The following GPC5 variants were observed in gnomAD, a reference collection of about 807,000 sequenced individuals.
GPC5 encodes glypican 5, also known as glypican-5.
GPC5 carries 47 observed loss-of-function variants against 53.9 expected under a neutral mutation model. The ratio of observed to expected loss-of-function variants is 0.87; its 90% confidence interval spans 0.69 to 1.11. GPC5 has a LOEUF of 1.11. Ranked by LOEUF, GPC5 falls within the 50% of genes most tolerant of loss-of-function variation. GPC5 has a pLI of 0.00. For missense variants in GPC5, 748 were observed against 713.1 expected (o/e 1.05, Z -0.56); for synonymous variants, 286 against 263.3 (o/e 1.09, Z -0.84).
intron 7 of GPC5, among the ~76,000 whole-genome samples, chr13:92,576,573 G>A (rs1883197248): frequency 6.6e-6 from 1 of 152,062 alleles, no homozygotes; most frequent in Non-Finnish European, 1.5e-5. Context: ...CTGAAAATTA[G>A]ACATTAAAAA....
intron 5 of GPC5, among the ~76,000 whole-genome samples, chr13:91,837,731 G>A (rs945902539): frequency 1.3e-5 from 2 of 152,032 alleles, no homozygotes; most frequent in African/African-American, 4.8e-5. Flanking sequence ...AAATTATTAT[G>A]TCATACTCAT....
intron 2 of GPC5, among the ~76,000 whole-genome samples, chr13:91,496,745 C>T (rs1195462935): frequency 6.6e-6 from 1 of 151,842 alleles, no homozygotes; most frequent in Non-Finnish European, 1.5e-5. Flanking sequence ...ACTATGGCAA[C>T]AATAATTTAT....
intron 5 of GPC5, among the ~76,000 whole-genome samples, chr13:91,863,572 A>C (rs932407438): frequency 1.3e-5 from 2 of 151,976 alleles, no homozygotes; most frequent in African/African-American, 4.8e-5. Context: ...CTCTCTCTAT[A>C]TATATTTTTT....
chr13:91,464,270 A>ACTCT (rs1175522982), intron 2 of GPC5, among the ~76,000 whole-genome samples: 1 of 152,144 alleles, frequency 6.6e-6, no homozygotes, highest in Non-Finnish European at 1.5e-5. Context: ...TCACTGAGGC[A>ACTCT]CTGTTCATGG....
intron 7 of GPC5, among the ~76,000 whole-genome samples, chr13:92,670,555 T>A (rs1474552613): frequency 2.0e-5 from 3 of 152,186 alleles, no homozygotes; most frequent in African/African-American, 7.2e-5. Context: ...CTTTTCCATA[T>A]CTCTATTTAG....
intron 7 of GPC5, among the ~76,000 whole-genome samples, chr13:92,577,072 T>C (rs1274756792): frequency 6.6e-6 from 1 of 152,184 alleles, no homozygotes; most frequent in East Asian, 1.9e-4. Flanking sequence ...TAATTTTATC[T>C]GCAATATTAA....
chr13:92,582,625 C>T (rs370376761), intron 7 of GPC5, among the ~76,000 whole-genome samples: 6 of 152,128 alleles, frequency 3.9e-5, no homozygotes, highest in African/African-American at 1.4e-4. Context: ...TCTTCTAGTA[C>T]ATGAGCATGA....
intron 7 of GPC5, among the ~76,000 whole-genome samples, chr13:92,758,060 T>G (rs1874977071): frequency 6.7e-6 from 1 of 150,290 alleles, no homozygotes. Context: ...CTATTCACAA[T>G]AGCAAAGTCT....
At chr13:91,703,590 A>C (rs969113283) in intron 3 of GPC5, among the ~76,000 whole-genome samples, 3 of 152,162 alleles carry the variant, frequency 2.0e-5, no homozygotes, top group African/African-American at 7.2e-5. Flanking sequence ...TTCATAAGGG[A>C]TAATGATATG....
chr13:92,577,162 T>G (rs1433713902), intron 7 of GPC5, among the ~76,000 whole-genome samples: 1 of 152,204 alleles, frequency 6.6e-6, no homozygotes, highest in Non-Finnish European at 1.5e-5. Flanking sequence ...ATCCACATCC[T>G]ATCTGCCATG....
At position 92,591,895 on chromosome 13, in the gene GPC5, G is replaced by A. The variant is rs565927361; in HGVS notation, c.1562-274387G>A. Among the ~76,000 whole-genome samples the A allele has an allele frequency of 1.5e-4, 23 of 152,210 alleles. No individual in the cohort carries two copies. In the East Asian group the frequency reaches 1.7e-3, roughly 12 times the overall value. ...GCTCAAACTCCAAGAAGCTCTCTTC[G>A]TTAATAAATGTGAGCACCTGCTAAG... On this transcript the variant is annotated intron_variant, in intron 7 of 7. Transcript: ENST00000377067.
chr13:92,332,471 T>C (rs1420426480), intron 7 of GPC5, among the ~76,000 whole-genome samples: 1 of 152,180 alleles, frequency 6.6e-6, no homozygotes, highest in Non-Finnish European at 1.5e-5. Context: ...TAATATAGCC[T>C]ATGACAATTC....
At chr13:91,825,206 G>C (rs1446130458) in intron 5 of GPC5, among the ~76,000 whole-genome samples, 1 of 151,890 alleles carries the variant, frequency 6.6e-6, no homozygotes, top group African/African-American at 2.4e-5. Context: ...TATCAAAAGA[G>C]TATGACATGG....
chr13:91,669,705 G>A (rs771633053), intron 2 of GPC5, among the ~76,000 whole-genome samples: 2 of 152,122 alleles, frequency 1.3e-5, no homozygotes, highest in Non-Finnish European at 2.9e-5. Context: ...TATTCACTAT[G>A]TCTATATTCT....
chr13:92,095,638 G>A (rs1051052738), intron 6 of GPC5, among the ~76,000 whole-genome samples: 2 of 152,112 alleles, frequency 1.3e-5, no homozygotes, highest in African/African-American at 4.8e-5. Context: ...GGGTTCAAGC[G>A]ATTCTACTGC....
chr13:92,101,105 C>T (rs573576630), intron 6 of GPC5, among the ~76,000 whole-genome samples: 25 of 152,150 alleles, frequency 1.6e-4, no homozygotes, highest in Admixed American at 1.6e-3. Flanking sequence ...TCAGTACACA[C>T]CTATTCAGTG....
chr13:92,444,457 G>A (rs554764332), intron 7 of GPC5, among the ~76,000 whole-genome samples: 7 of 152,234 alleles, frequency 4.6e-5, no homozygotes, highest in African/African-American at 1.4e-4. Context: ...TCAGCCTGCT[G>A]GAATGATTGA....
intron 6 of GPC5, among the ~76,000 whole-genome samples, chr13:92,011,030 A>G (rs1032177762): frequency 8.5e-5 from 13 of 152,204 alleles, no homozygotes; most frequent in African/African-American, 2.9e-4. Context: ...ACAGTTTTGC[A>G]TGTGTGTGAA....
intron 2 of GPC5, among the ~76,000 whole-genome samples, chr13:91,450,336 C>T (rs1024722912): frequency 2.6e-5 from 4 of 152,106 alleles, no homozygotes; most frequent in Non-Finnish European, 4.4e-5. Context: ...ATTATATTTT[C>T]TTCCAATGAA....
Sources: allele counts gnomAD v4.1 joint callset (sites outside exome capture counted in the v4.1 genomes callset), GRCh38; gene constraint gnomAD v4.1.1; transcripts MANE v1.5; gene names NCBI Gene and HGNC (gene_info 2026-07-23, HGNC 2026-07-21).